The following ATG7 variants were observed in gnomAD, a reference collection of about 807,000 sequenced individuals.
ATG7 encodes ubiquitin-like modifier-activating enzyme ATG7.
ATG7 carries 70 observed loss-of-function variants against 82.4 expected under a neutral mutation model. That is an observed-to-expected ratio of 0.85 (90% CI 0.70 to 1.04). The LOEUF (loss-of-function observed/expected upper bound fraction) is 1.04. Among genes scored for constraint, ATG7 ranks in the 50% least tolerant of loss-of-function variants. The pLI, the probability that ATG7 is intolerant of heterozygous loss-of-function variation, is 0.00. For missense variants in ATG7, 792 were observed against 864.3 expected (o/e 0.92, Z 1.05); for synonymous variants, 287 against 313.0 (o/e 0.92, Z 0.88).
chr3:11,503,744 A>C (rs1260170510), intron 20 of ATG7, among the ~76,000 whole-genome samples: 10 of 130,928 alleles, frequency 7.6e-5, no homozygotes, highest in African/African-American at 2.9e-4. Flanking sequence ...CAACAGACCG[A>C]GACTCTGTCT....
At chr3:11,320,838 G>A (rs1313656786) in intron 9 of ATG7, among the ~76,000 whole-genome samples, 1 of 152,238 alleles carries the variant, frequency 6.6e-6, no homozygotes, top group Non-Finnish European at 1.5e-5. Context: ...AGTGAGTAGA[G>A]GGTAGCTCTT....
At chr3:11,376,762 G>A (rs1360033123) in intron 18 of ATG7, among the ~76,000 whole-genome samples, 6 of 151,950 alleles carry the variant, frequency 3.9e-5, no homozygotes, top group South Asian at 2.1e-4. Flanking sequence ...TTTTTGAGAC[G>A]GAGTCTTGCT....
intron 19 of ATG7, among the ~76,000 whole-genome samples, chr3:11,405,464 G>C (rs980738018): frequency 2.6e-5 from 4 of 152,176 alleles, no homozygotes; most frequent in Middle Eastern, 6.8e-3. Flanking sequence ...GATTTTGTCA[G>C]CCTTCTCTTT....
chr3:11,570,976 T>G, the ATG7 span, among the ~76,000 whole-genome samples: 24 of 152,326 alleles, frequency 1.6e-4, no homozygotes, highest in African/African-American at 5.5e-4. Flanking sequence ...CACTCCTCTG[T>G]GCCAATTTTA....
At chr3:11,401,380 T>G (rs1259941888) in intron 19 of ATG7, among the ~76,000 whole-genome samples, 3 of 152,216 alleles carry the variant, frequency 2.0e-5, no homozygotes, top group Non-Finnish European at 2.9e-5. Flanking sequence ...TTGGTTTGGC[T>G]TATGTCAGTC....
intron 20 of ATG7, among the ~76,000 whole-genome samples, chr3:11,443,531 C>A (rs1470358956): frequency 1.3e-5 from 2 of 152,104 alleles, no homozygotes; most frequent in Admixed American, 6.6e-5. Flanking sequence ...GGGCCACAGG[C>A]ATGTGTCACT....
intron 11 of ATG7, among the ~76,000 whole-genome samples, chr3:11,339,250 C>T (rs1007004364): frequency 2.8e-5 from 4 of 143,766 alleles, no homozygotes; most frequent in Non-Finnish European, 4.5e-5. Context: ...GAGCCAAAAT[C>T]GCGCCACTGC....
intron 5 of ATG7, among the ~76,000 whole-genome samples, chr3:11,301,910 T>C (rs1378832047): frequency 2.0e-5 from 3 of 152,242 alleles, no homozygotes; most frequent in Non-Finnish European, 4.4e-5. Context: ...AAAAATGCAG[T>C]TCACAGAAGT....
intron 3 of ATG7, among the ~76,000 whole-genome samples, chr3:11,291,354 A>G (rs1382704587): frequency 1.3e-5 from 2 of 152,140 alleles, no homozygotes; most frequent in Non-Finnish European, 2.9e-5. Context: ...ATTTTTTAGC[A>G]TGTGTGAGGC....
At chr3:11,465,776 TAAA>T (rs1263141513) in intron 20 of ATG7, among the ~76,000 whole-genome samples, 2 of 151,096 alleles carry the variant, frequency 1.3e-5, no homozygotes, top group African/African-American at 2.4e-5. Context: ...AAAATAAAAA[TAAA>T]AAAGCCTGTA....
chr3:11,559,459 CG>C, downstream of ATG7: 10 of 1,555,108 alleles, frequency 6.4e-6, no homozygotes, highest in Non-Finnish European at 8.7e-6. Flanking sequence ...GCCGGTTCTG[CG>C]GGGAGGAGGG....
intron 20 of ATG7, among the ~76,000 whole-genome samples, chr3:11,506,356 C>T (rs756705469): frequency 1.3e-4 from 20 of 152,032 alleles, no homozygotes; most frequent in South Asian, 4.2e-4. Context: ...TTGCACTGGC[C>T]GCATTTCAAG....
At chr3:11,393,690 T>A (rs1234989652) in intron 19 of ATG7, among the ~76,000 whole-genome samples, 1 of 151,330 alleles carries the variant, frequency 6.6e-6, no homozygotes, top group Admixed American at 6.6e-5. Context: ...TGTAGGTTTT[T>A]TTTTTCTTTT....
chr3:11,314,878 G>T lies in ATG7; in HGVS notation c.529-466G>T, dbSNP rs190953875. Among the ~76,000 whole-genome samples, 26 of 152,308 alleles carry T rather than the reference G, an allele frequency of 1.7e-4. No individual in the cohort carries two copies. The East Asian group carries it at 4.2e-3, about 25-fold the overall frequency. Reference sequence around the variant, plus strand: ...TGATTGAGCCCAGGAGGTCGAGGCTGCAGTGAGCTGTGATTGCCTGGGTGA... The same window carrying T: ...TGATTGAGCCCAGGAGGTCGAGGCTTCAGTGAGCTGTGATTGCCTGGGTGA... On this transcript the variant is annotated intron_variant, in intron 8 of 20. Coordinates refer to ENST00000693202, the MANE Select transcript of ATG7 (RefSeq NM_001349232.2).
intron 9 of ATG7, among the ~76,000 whole-genome samples, chr3:11,326,514 G>A (rs530256011): frequency 1.6e-4 from 25 of 152,108 alleles, no homozygotes; most frequent in African/African-American, 6.0e-4. Context: ...TAGCCAGGAT[G>A]GTCTTGATCT....
intron 20 of ATG7, among the ~76,000 whole-genome samples, chr3:11,492,571 C>T (rs2090461723): frequency 6.6e-6 from 1 of 152,252 alleles, no homozygotes; most frequent in Admixed American, 6.5e-5. Context: ...GTGCTCAACT[C>T]CTCGCGGGAG....
In ATG7 at chr3:11,331,440, AGT is replaced by A. The variant is rs771710522; in HGVS notation, c.767+19_767+20del. ...GCAGCCCACAGATGGTATTTACAAG[AGT>A]GTGTGTTTGTCTGTCTGTCTGCCTT... On this transcript the variant is annotated intron_variant, in intron 10 of 20. Coordinates refer to ENST00000693202, the MANE Select transcript of ATG7 (RefSeq NM_001349232.2). 7.7e-6 allele frequency: 12 copies of A among 1,568,230 alleles called. No individual in the cohort carries two copies. Among genetic ancestry groups the A allele is most frequent in the Non-Finnish European group, 1.1e-5 (12 of 1,138,516 alleles).
At chr3:11,502,766 G>A (rs2091436017) in intron 20 of ATG7, among the ~76,000 whole-genome samples, 1 of 152,086 alleles carries the variant, frequency 6.6e-6, no homozygotes, top group Admixed American at 6.6e-5. Context: ...TGGGACTATA[G>A]ATGCATCTGA....
At chr3:11,307,125 G>C in intron 6 of ATG7, 65 bp downstream of exon 6, 1 of 1,447,880 alleles carries the variant, frequency 6.9e-7, no homozygotes, top group Non-Finnish European at 9.7e-7. Flanking sequence ...CAGTGTTTGT[G>C]ATCAGGCACA....
Sources: allele counts gnomAD v4.1 joint callset (sites outside exome capture counted in the v4.1 genomes callset), GRCh38; gene constraint gnomAD v4.1.1; transcripts MANE v1.5; gene names NCBI Gene and HGNC (gene_info 2026-07-23, HGNC 2026-07-21).